CPLANE1: variants seen among roughly 807,000 people sequenced by gnomAD.
CPLANE1 encodes ciliogenesis and planar polarity effector complex subunit 1.
Under a neutral mutation model 362.5 loss-of-function variants are expected in CPLANE1, and 263 were observed. That is an observed-to-expected ratio of 0.73 (90% confidence interval 0.66 to 0.80). CPLANE1 has a LOEUF of 0.80. Ranked by LOEUF, CPLANE1 falls within the 30% of genes least tolerant of loss-of-function variation. The probability of loss-of-function intolerance (pLI) is 0.00; values close to 1 mark genes in which losing one functional copy is unlikely to be tolerated. For synonymous variants in CPLANE1, 1,212 were observed against 1,302.6 expected, an observed-to-expected ratio of 0.93 and a Z score of 1.50; for missense variants, 3,461 against 3,793.4, an observed-to-expected ratio of 0.91 and a Z score of 2.30.
intron 8 of CPLANE1, among the ~76,000 whole-genome samples, chr5:37,233,243 A>T (rs932009092): frequency 6.6e-6 from 1 of 152,148 alleles, no homozygotes; most frequent in African/African-American, 2.4e-5. Flanking sequence ...GCACTGCTTC[A>T]GGGAGGAAGA....
At chr5:37,142,273 T>G (rs1305983604) in intron 44 of CPLANE1, 37 bp downstream of exon 44, 1 of 1,458,204 alleles carries the variant, frequency 6.9e-7, no homozygotes, top group Non-Finnish European at 9.1e-7. Context: ...TAATGGAGAA[T>G]AAGAGTATGT....
At chr5:37,238,574 A>G (rs1247132943) in intron 8 of CPLANE1, among the ~76,000 whole-genome samples, 1 of 138,336 alleles carries the variant, frequency 7.2e-6, no homozygotes. Context: ...AGCTCACTGC[A>G]GCCTCTATCA....
intron 8 of CPLANE1, among the ~76,000 whole-genome samples, chr5:37,237,766 C>T (rs1448828057): frequency 6.6e-6 from 1 of 152,140 alleles, no homozygotes; most frequent in African/African-American, 2.4e-5. Context: ...AGGAGAATGG[C>T]GTGAGCCCGG....
chr5:37,192,757 G>A (rs996917477), intron 21 of CPLANE1, among the ~76,000 whole-genome samples: 172 of 148,634 alleles, frequency 1.2e-3, no homozygotes, highest in African/African-American at 4.0e-3. Context: ...CCAGCTACTC[G>A]GGAGGCTAAG....
intron 41 of CPLANE1, among the ~76,000 whole-genome samples, chr5:37,156,469 G>A (rs1295722852): frequency 1.3e-5 from 2 of 151,950 alleles, no homozygotes; most frequent in Non-Finnish European, 2.9e-5. Context: ...GCTAGGCATG[G>A]TGGTGTGTGC....
Position 37,140,425 on chromosome 5 carries a change from A to G in CPLANE1, c.8633-1055T>C, listed in dbSNP as rs1392167994. ...AGAATCTGGGCATTTGTGGGTTAAG[A>G]GCAACTAATTCAATTTAACTAAGAG... On this transcript the variant is annotated intron_variant, in intron 44 of 52. Transcript: ENST00000651892. 20 of 985,098 alleles carry G rather than the reference A, an allele frequency of 2.0e-5. No homozygotes were observed. The East Asian group carries it at 1.8e-3, about 89-fold the overall frequency. 61.0% of individuals were successfully genotyped at this position (985,098 alleles called of 1,614,324 possible).
At chr5:37,219,575 G>A (rs2150340350) in intron 15 of CPLANE1, among the ~76,000 whole-genome samples, 1 of 152,120 alleles carries the variant, frequency 6.6e-6, no homozygotes, top group Middle Eastern at 3.4e-3. Context: ...ACATGCCTGT[G>A]GTTCCAGCTA....
intron 37 of CPLANE1, among the ~76,000 whole-genome samples, chr5:37,163,644 G>T (rs1309797345): frequency 6.6e-6 from 1 of 152,180 alleles, no homozygotes; most frequent in Admixed American, 6.5e-5. Context: ...CAGGTCCTCA[G>T]AATCTTGGGA....
intron 43 of CPLANE1, among the ~76,000 whole-genome samples, chr5:37,145,624 T>C (rs1771319500): frequency 6.6e-6 from 1 of 152,072 alleles, no homozygotes; most frequent in Admixed American, 6.5e-5. Context: ...CACCTATGAA[T>C]GTTAAAAATT....
chr5:37,108,512 C>G lies in CPLANE1; in HGVS notation c.9401-41G>C, dbSNP rs139996806. On this transcript the variant is annotated intron_variant, in intron 51 of 52. Transcript: ENST00000651892. ...AACAAAGCACACATTGGGATTGATT[C>G]ATTCATTCATTCATTCATTTGTTAA... is the stretch of plus-strand genomic sequence containing the variant. 2,671 of 1,426,842 alleles carry G rather than the reference C, an allele frequency of 1.9e-3. 22 individuals are homozygous for G. The highest frequency in any genetic ancestry group is 9.7e-3 in the Middle Eastern group (54 of 5,542). 88.4% of individuals were successfully genotyped at this position (1,426,842 alleles called of 1,614,324 possible).
chr5:37,090,333 A>G, the CPLANE1 span, among the ~76,000 whole-genome samples: 5 of 152,196 alleles, frequency 3.3e-5, no homozygotes, highest in African/African-American at 1.2e-4. Flanking sequence ...TTTTTGCCAC[A>G]TACCGGGACT....
chr5:37,230,794 T>C (rs1797568776), intron 9 of CPLANE1, 73 bp downstream of exon 9: 4 of 1,073,496 alleles, frequency 3.7e-6, no homozygotes, highest in Non-Finnish European at 4.9e-6. Context: ...AAATTTTTTT[T>C]GAATACACAG....
chr5:37,207,634 T>TCC (rs1791150207), intron 16 of CPLANE1, among the ~76,000 whole-genome samples: 1 of 152,188 alleles, frequency 6.6e-6, no homozygotes, highest in South Asian at 2.1e-4. Context: ...ACATAGGAGT[T>TCC]TGAACACATA....
intron 30 of CPLANE1, among the ~76,000 whole-genome samples, chr5:37,176,437 A>T (rs1052625358): frequency 6.6e-6 from 1 of 152,072 alleles, no homozygotes; most frequent in African/African-American, 2.4e-5. Flanking sequence ...GGAGTTCGAG[A>T]CCAGCCTGGG....
At chr5:37,081,998 G>A in the CPLANE1 span, among the ~76,000 whole-genome samples, 1,055 of 151,746 alleles carry the variant, frequency 7.0e-3, 9 homozygotes, top group African/African-American at 0.024. Context: ...TGAGCAGGGC[G>A]TGGTGAATCA....
rs1231593037 is a variant in CPLANE1 at position 37,158,266 on chromosome 5, C to A, written c.7770G>T (p.Glu2590Asp). 18 of 1,613,826 alleles carry A rather than the reference C, an allele frequency of 1.1e-5. No individual in the cohort carries two copies. The highest frequency in any genetic ancestry group is 1.5e-5 in the Non-Finnish European group (18 of 1,179,930). The stretch of plus-strand genomic sequence containing the variant: ...GAGGTATTGAGGGTGACCAAGGTTT[C>A]TCTGACATTTCACTGGAAAGCTTCA... ...LNLKLSSEMS[E>D]KPWSPSIPHT... is the part of the protein sequence containing the mutation. Residue 2590 changes from glutamate (E) to aspartate (D), a missense_variant, in exon 39 of 53, where the codon GAG becomes GAT. Glu to Asp is a conservative substitution (Grantham distance 45). This residue lies in a region of CPLANE1 where 3,380 missense variants were observed against 3,666.1 expected (regional missense o/e 0.92). Coordinates refer to ENST00000651892, the MANE Select transcript of CPLANE1 (RefSeq NM_001384732.1).
rs1053220064 is a variant in CPLANE1 at position 37,177,721 on chromosome 5, CAA to C, written c.5821-23_5821-22del. 3 of 1,586,998 alleles carry C rather than the reference CAA, an allele frequency of 1.9e-6. No homozygotes were observed. In the African/African-American group the frequency reaches 4.0e-5, roughly 21 times the overall value. ...AACTCCTGTTAAAATGAATAGTACC[CAA>C]AAAGAAAACAGGTAAAACAAATAGG... On this transcript the variant is annotated intron_variant, in intron 29 of 52. Coordinates refer to ENST00000651892, the MANE Select transcript of CPLANE1 (RefSeq NM_001384732.1).
chr5:37,082,974 A>G, the CPLANE1 span, among the ~76,000 whole-genome samples: 3 of 152,150 alleles, frequency 2.0e-5, no homozygotes, highest in African/African-American at 7.2e-5. Flanking sequence ...GCAGAACTAA[A>G]TCAGGAAACC....
intron 46 of CPLANE1, among the ~76,000 whole-genome samples, chr5:37,138,112 G>A (rs1580070124): frequency 6.6e-6 from 1 of 152,146 alleles, no homozygotes; most frequent in East Asian, 1.9e-4. Context: ...CTGCTTTGAT[G>A]ATATGTCCAA....
Sources: allele counts gnomAD v4.1 joint callset (sites outside exome capture counted in the v4.1 genomes callset), GRCh38; gene constraint gnomAD v4.1.1; regional missense constraint gnomAD v4.1.1; transcripts MANE v1.5; gene names NCBI Gene and HGNC (gene_info 2026-07-23, HGNC 2026-07-21).